Variants in KCNQ5 observed in about 807,000 individuals in gnomAD.
The protein encoded by KCNQ5 is potassium voltage-gated channel subfamily Q member 5, also known as potassium voltage-gated channel subfamily KQT member 5.
KCNQ5 carries 30 observed loss-of-function variants against 98.2 expected under a neutral mutation model. The ratio of observed to expected loss-of-function variants is 0.31; its 90% CI spans 0.23 to 0.41. The LOEUF (loss-of-function observed/expected upper bound fraction) is 0.41, where lower values mean the gene tolerates loss of function less well. Among genes scored for constraint, KCNQ5 ranks in the 10% least tolerant of loss-of-function variants. The probability of loss-of-function intolerance (pLI) is 1.00; values close to 1 mark genes in which losing one functional copy is unlikely to be tolerated. For missense variants in KCNQ5, 835 were observed against 1,182.5 expected, an observed-to-expected ratio of 0.71 and a Z score of 4.31; for synonymous variants, 458 against 449.4, an observed-to-expected ratio of 1.02 and a Z score of -0.24.
chr6:72,894,139 G>C (rs987663339), intron 1 of KCNQ5, among the ~76,000 whole-genome samples: 13 of 152,176 alleles, frequency 8.5e-5, no homozygotes, highest in Non-Finnish European at 1.0e-4. Context: ...CAGCTTTTCT[G>C]GGCCCTTTTA....
intron 1 of KCNQ5, among the ~76,000 whole-genome samples, chr6:72,878,767 G>A (rs887325467): frequency 2.0e-5 from 3 of 152,076 alleles, no homozygotes; most frequent in African/African-American, 7.2e-5. Flanking sequence ...AAACTTTTTT[G>A]TTCTAATATA....
At chr6:73,162,821 T>G (rs570155709) in intron 10 of KCNQ5, among the ~76,000 whole-genome samples, 1 of 152,330 alleles carries the variant, frequency 6.6e-6, no homozygotes, top group East Asian at 1.9e-4. Flanking sequence ...CACATCCTCC[T>G]CAGGCCTGCA....
At chr6:73,168,309 A>G (rs1777880385) in intron 10 of KCNQ5, among the ~76,000 whole-genome samples, 1 of 152,218 alleles carries the variant, frequency 6.6e-6, no homozygotes, top group Non-Finnish European at 1.5e-5. Flanking sequence ...TTTTCCTTTC[A>G]TGACTTAGCA....
intron 1 of KCNQ5, chr6:72,986,878 T>G: frequency 2.2e-6 from 2 of 893,870 alleles, no homozygotes; most frequent in Non-Finnish European, 3.7e-6. Flanking sequence ...TCTGCGAGGC[T>G]GGGGATGCTG....
At chr6:72,969,700 C>A (rs1044486773) in intron 1 of KCNQ5, among the ~76,000 whole-genome samples, 1 of 152,146 alleles carries the variant, frequency 6.6e-6, no homozygotes, top group Non-Finnish European at 1.5e-5. Context: ...AAACATCAGA[C>A]CTTAAAGGTC....
chr6:72,871,200 AGGTCTTC>A (rs1778190968), intron 1 of KCNQ5, among the ~76,000 whole-genome samples: 1 of 152,208 alleles, frequency 6.6e-6, no homozygotes. Flanking sequence ...GAACCAAAAG[AGGTCTTC>A]TTCATTAAAT....
At chr6:72,883,575 A>C (rs1778731557) in intron 1 of KCNQ5, among the ~76,000 whole-genome samples, 2 of 152,208 alleles carry the variant, frequency 1.3e-5, no homozygotes, top group Admixed American at 1.3e-4. Context: ...GAGCTGACTC[A>C]GGAAGACAGG....
chr6:72,879,560 G>A (rs149580877), intron 1 of KCNQ5, among the ~76,000 whole-genome samples: 3 of 151,990 alleles, frequency 2.0e-5, no homozygotes, highest in African/African-American at 7.2e-5. Flanking sequence ...TTCTACCATT[G>A]TGGTACCTTT....
At chr6:72,736,603 C>T (rs1157240709) in intron 1 of KCNQ5, among the ~76,000 whole-genome samples, 2 of 141,248 alleles carry the variant, frequency 1.4e-5, no homozygotes, top group African/African-American at 2.8e-5. Context: ...GGGTTCACGC[C>T]ATTCTCCTGC....
At chr6:73,177,794 T>A (rs1778271036) in intron 11 of KCNQ5, among the ~76,000 whole-genome samples, 1 of 152,196 alleles carries the variant, frequency 6.6e-6, no homozygotes, top group African/African-American at 2.4e-5. Flanking sequence ...TAAAGAACAT[T>A]TTATGGATCA....
intron 5 of KCNQ5, among the ~76,000 whole-genome samples, chr6:73,078,610 A>G (rs536892893): frequency 2.0e-5 from 3 of 152,344 alleles, no homozygotes; most frequent in East Asian, 1.9e-4. Flanking sequence ...ATTGAAATCA[A>G]TGTGCAAATA....
Position 73,169,756 on chromosome 6 carries a change from C to G in KCNQ5, c.1479C>G (p.Ala493=), listed in dbSNP as rs1562217872. ...QPKPVIDADT[A]LGTDDVYDEK... ...AATATTCTCTTGCAGCTGACACAGC[C>G]CTTGGCACTGATGATGTATATGATG... Residue 493 remains alanine, a synonymous_variant, in exon 11 of 14, where the codon GCC becomes GCG. Transcript: ENST00000370398. The G allele has an allele frequency of 6.2e-7, 1 of 1,611,616 alleles. No individual in the cohort carries two copies. Among genetic ancestry groups the G allele is most frequent in the African/African-American group, 1.3e-5 (1 of 74,872 alleles).
chr6:73,144,929 C>T (rs1205971283), intron 10 of KCNQ5, among the ~76,000 whole-genome samples: 2 of 152,138 alleles, frequency 1.3e-5, no homozygotes, highest in Non-Finnish European at 2.9e-5. Flanking sequence ...TCCTGTTGGT[C>T]AAAGCAAATG....
chr6:72,805,952 C>T (rs570876604), intron 1 of KCNQ5, among the ~76,000 whole-genome samples: 1 of 151,986 alleles, frequency 6.6e-6, no homozygotes, highest in Non-Finnish European at 1.5e-5. Flanking sequence ...TCCATGATTT[C>T]TTTTTCAGAT....
intron 3 of KCNQ5, among the ~76,000 whole-genome samples, chr6:73,054,191 A>T (rs1039574606): frequency 3.3e-5 from 5 of 152,176 alleles, no homozygotes; most frequent in Non-Finnish European, 1.5e-5. Context: ...TCCAAAATTG[A>T]ATCAGTAATA....
intron 10 of KCNQ5, among the ~76,000 whole-genome samples, chr6:73,147,198 C>T (rs6912022): frequency 0.22 from 32,773 of 151,892 alleles, 8,420 homozygotes; most frequent in African/African-American, 0.61. Flanking sequence ...AATAGGGTTA[C>T]GTGAGTAATA....
chr6:72,642,227 A>C (rs1359517993), intron 1 of KCNQ5, among the ~76,000 whole-genome samples: 1 of 151,534 alleles, frequency 6.6e-6, no homozygotes, highest in Non-Finnish European at 1.5e-5. Context: ...GTAAAAAACA[A>C]ACACACATAT....
chr6:73,022,321 A>G (rs1306957338), intron 2 of KCNQ5, among the ~76,000 whole-genome samples: 1 of 152,064 alleles, frequency 6.6e-6, no homozygotes, highest in Non-Finnish European at 1.5e-5. Flanking sequence ...CTTTTAACAC[A>G]TATTTTGCTT....
intron 1 of KCNQ5, among the ~76,000 whole-genome samples, chr6:73,000,538 G>A (rs948269175): frequency 6.6e-6 from 1 of 152,242 alleles, no homozygotes; most frequent in Middle Eastern, 3.4e-3. Context: ...CCACGTGGAT[G>A]TCTAAAACTG....
Sources: gnomAD v4.1 joint callset for allele counts (sites outside exome capture counted in the v4.1 genomes callset) on GRCh38, gnomAD v4.1.1 for gene constraint, MANE v1.5 for transcripts, NCBI Gene and HGNC (gene_info 2026-07-23, HGNC 2026-07-21) for gene names.